The following KAZN variants were observed in gnomAD, a reference collection of about 807,000 sequenced individuals.
The protein encoded by KAZN is kazrin, periplakin interacting protein, also known as kazrin.
KAZN carries 40 observed loss-of-function variants against 87.4 expected under a neutral mutation model. The observed-to-expected ratio is 0.46, with a 90% CI of 0.36 to 0.60. KAZN has a LOEUF of 0.60. Among genes scored for constraint, KAZN ranks in the 20% least tolerant of loss-of-function variants. The probability of loss-of-function intolerance (pLI) is 0.00; values close to 1 mark genes in which losing one functional copy is unlikely to be tolerated. For missense variants in KAZN, 898 were observed against 1,073.9 expected, an observed-to-expected ratio of 0.84 and a Z score of 2.29; for synonymous variants, 466 against 458.3, an observed-to-expected ratio of 1.02 and a Z score of -0.22.
At chr1:15,019,399 GTTTCTTTGAGA>G (rs1361176253) in intron 2 of KAZN, among the ~76,000 whole-genome samples, 1 of 152,110 alleles carries the variant, frequency 6.6e-6, no homozygotes, top group Admixed American at 6.5e-5. Flanking sequence ...TTGTTTGTTT[GTTTCTTTGAGA>G]CAGAGTCTTG....
At chr1:14,611,197 A>C (rs530601054) in intron 1 of KAZN, among the ~76,000 whole-genome samples, 16 of 152,288 alleles carry the variant, frequency 1.1e-4, no homozygotes, top group Admixed American at 4.6e-4. Context: ...GCTGAGGTCC[A>C]CTGACTCCTA....
chr1:14,742,984 A>G (rs1388952189), intron 1 of KAZN, among the ~76,000 whole-genome samples: 2 of 152,130 alleles, frequency 1.3e-5, no homozygotes, highest in African/African-American at 4.8e-5. Flanking sequence ...CAGTGAATAG[A>G]CCCATAAGAT....
intron 1 of KAZN, among the ~76,000 whole-genome samples, chr1:14,174,847 A>C (rs527914264): frequency 2.0e-5 from 3 of 152,306 alleles, no homozygotes; most frequent in South Asian, 2.1e-4. Flanking sequence ...TAATTCTCAG[A>C]GCAACTCTGT....
chr1:15,082,171 CT>C (rs5772617), intron 8 of KAZN, among the ~76,000 whole-genome samples: 12,247 of 152,184 alleles, frequency 0.08, 520 homozygotes, highest in Middle Eastern at 0.17. Context: ...CTCAGCCCCC[CT>C]ATCTGAGGTC....
At chr1:14,710,950 A>G (rs1057193896) in intron 1 of KAZN, among the ~76,000 whole-genome samples, 1 of 152,324 alleles carries the variant, frequency 6.6e-6, no homozygotes, top group Admixed American at 6.5e-5. Context: ...TAGGGAGGCC[A>G]AGGTGGGAGG....
At chr1:14,311,284 C>T (rs149838069) in intron 2 of KAZN, among the ~76,000 whole-genome samples, 10 of 152,158 alleles carry the variant, frequency 6.6e-5, no homozygotes, top group African/African-American at 2.4e-4. Context: ...AACCTGACCT[C>T]TTTATGTCTT....
chr1:14,031,049 C>T (rs186187399), intron 1 of KAZN, among the ~76,000 whole-genome samples: 73 of 152,188 alleles, frequency 4.8e-4, no homozygotes, highest in African/African-American at 1.7e-3. Context: ...GATGTAATAC[C>T]GTCCTTCCTT....
intron 1 of KAZN, among the ~76,000 whole-genome samples, chr1:14,700,427 C>A (rs1037210113): frequency 6.6e-6 from 1 of 151,484 alleles, no homozygotes; most frequent in Non-Finnish European, 1.5e-5. Flanking sequence ...GCCGAGATCA[C>A]GCCACTGCAC....
At position 14,957,345 on chromosome 1, in the gene KAZN, G is replaced by A. The variant is rs546464652; in HGVS notation, c.227-3339G>A. ...CCCCAGTGCCCCCGTGCCTAGAGCC[G>A]TGCATGGTATGAGGCAGGGGCCTCT... is the stretch of plus-strand genomic sequence containing the variant. On this transcript the variant is annotated intron_variant, in intron 1 of 14. Coordinates refer to ENST00000376030, the MANE Select transcript of KAZN (RefSeq NM_201628.3). 5.9e-5 allele frequency among the ~76,000 whole-genome samples: 9 copies of A among 152,348 alleles called. No homozygotes were observed. The South Asian group carries it at 1.0e-3, about 18-fold the overall frequency.
In KAZN at chr1:14,270,227, G is replaced by A. The variant is rs114021453; in HGVS notation, c.249+89635G>A. On this transcript the variant is annotated intron_variant, in intron 2 of 16. Transcript: ENST00000636203. ...CTGATCAATGACTTTGGTCAGAGGT[G>A]TGGAATCTCCAGCCTTGGATCTACG... 3.7e-3 allele frequency among the ~76,000 whole-genome samples: 570 copies of A among 152,346 alleles called. 2 individuals carry two copies. The highest frequency in any genetic ancestry group is 0.013 in the African/African-American group (537 of 41,582).
intron 1 of KAZN, among the ~76,000 whole-genome samples, chr1:13,905,956 G>A (rs995576581): frequency 3.9e-5 from 6 of 152,112 alleles, no homozygotes; most frequent in Non-Finnish European, 7.4e-5. Context: ...TTCTGGGAGC[G>A]CCAATCTCTC....
Position 14,599,343 on chromosome 1 carries a change from T to TA in KAZN, c.226+122dup. The TA allele has an allele frequency of 9.2e-7, 1 of 1,082,084 alleles. No individual in the cohort carries two copies. The highest frequency in any genetic ancestry group is 1.2e-6 in the Non-Finnish European group (1 of 852,868). 67.0% of individuals were successfully genotyped at this position (1,082,084 alleles called of 1,614,324 possible). ...CGAAATCGCTTTGCATTCTGGCTTG[T>TA]AACCCTTTCCGCCCGGCGGTGGCCA... On this transcript the variant is annotated intron_variant, in intron 1 of 14. Coordinates refer to ENST00000376030, the MANE Select transcript of KAZN (RefSeq NM_201628.3). The surrounding 1 kb of genome is among the most constrained non-coding windows in gnomAD (Gnocchi z 4.4).
intron 1 of KAZN, among the ~76,000 whole-genome samples, chr1:13,902,454 T>G (rs1021728941): frequency 6.6e-6 from 1 of 152,204 alleles, no homozygotes; most frequent in Non-Finnish European, 1.5e-5. Context: ...TTAGGCCTGA[T>G]GTGGATATCT....
At chr1:13,929,890 T>C (rs1001022638) in intron 1 of KAZN, among the ~76,000 whole-genome samples, 14 of 152,206 alleles carry the variant, frequency 9.2e-5, no homozygotes, top group African/African-American at 3.4e-4. Flanking sequence ...TAGGTATTAT[T>C]GTTATATCCA....
chr1:14,200,014 G>A (rs906742339), intron 2 of KAZN, among the ~76,000 whole-genome samples: 3 of 151,976 alleles, frequency 2.0e-5, no homozygotes, highest in Non-Finnish European at 4.4e-5. Context: ...CATTTCATTT[G>A]TATCACAGAT....
intron 1 of KAZN, among the ~76,000 whole-genome samples, chr1:14,853,524 G>C (rs1183436236): frequency 6.6e-6 from 1 of 152,118 alleles, no homozygotes; most frequent in Non-Finnish European, 1.5e-5. Context: ...GGATGCAGGT[G>C]GTAGGAGGGG....
At chr1:14,014,674 G>A (rs1326401561) in intron 1 of KAZN, among the ~76,000 whole-genome samples, 1 of 152,166 alleles carries the variant, frequency 6.6e-6, no homozygotes, top group Non-Finnish European at 1.5e-5. Context: ...GTTCATAAAT[G>A]TCCTTAAAAA....
At chr1:13,952,706 C>T (rs898021763) in intron 1 of KAZN, among the ~76,000 whole-genome samples, 20 of 152,088 alleles carry the variant, frequency 1.3e-4, no homozygotes, top group East Asian at 3.9e-4. Context: ...TGCACACAGA[C>T]GCATGACATT....
chr1:14,392,007 C>T (rs1230393831), intron 2 of KAZN, among the ~76,000 whole-genome samples: 1 of 152,186 alleles, frequency 6.6e-6, no homozygotes, highest in African/African-American at 2.4e-5. Flanking sequence ...TAGCTGTGAA[C>T]TCTGGCATCC....
Sources: allele counts gnomAD v4.1 joint callset (sites outside exome capture counted in the v4.1 genomes callset), GRCh38; gene constraint gnomAD v4.1.1; non-coding constraint Gnocchi (gnomAD v3.1); transcripts MANE v1.5; gene names NCBI Gene and HGNC (gene_info 2026-07-23, HGNC 2026-07-21).